FGB: variants seen among roughly 807,000 people sequenced by gnomAD.
FGB encodes fibrinogen beta chain.
FGB carries 25 observed loss-of-function variants against 57.9 expected under a neutral mutation model. That is an observed-to-expected ratio of 0.43 (90% CI 0.31 to 0.60). The LOEUF (loss-of-function observed/expected upper bound fraction) is 0.60, where lower values mean the gene tolerates loss of function less well. Ranked by LOEUF, FGB falls within the 20% of genes least tolerant of loss-of-function variation. The pLI, the probability that FGB is intolerant of heterozygous loss-of-function variation, is 0.08. For missense variants in FGB, 536 were observed against 598.4 expected, an observed-to-expected ratio of 0.90 and a Z score of 1.09; for synonymous variants, 203 against 199.2, an observed-to-expected ratio of 1.02 and a Z score of -0.16.
intron 2 of FGB, 132 bp from the exon 3 acceptor site, chr4:154,566,357 G>T: frequency 1.2e-6 from 1 of 812,414 alleles, no homozygotes; most frequent in South Asian, 1.5e-5. Flanking sequence ...TCGAATTTCT[G>T]GTCTTACAGA....
At position 154,565,302 on chromosome 4, in the gene FGB, A is replaced by G. The variant is rs571241078; in HGVS notation, c.115-506A>G. 1,099 of 348,894 alleles carry G rather than the reference A, an allele frequency of 3.1e-3. 25 individuals are homozygous for G. The highest frequency in any genetic ancestry group is 6.5e-3 in the South Asian group (273 of 41,822). The allele number at this position is 348,894 out of a possible 1,614,324, so 21.6% of individuals were successfully genotyped here. A position where few individuals can be genotyped will look rare whatever the true frequency, so the allele number is the denominator to read the frequency against. ...CCAGAGTACATTATGAGGGTCAAAG[A>G]TTGTCTTATTACAAATAAATTCCAA... On this transcript the variant is annotated intron_variant, in intron 1 of 7. Coordinates refer to ENST00000302068, the MANE Select transcript of FGB (RefSeq NM_005141.5).
chr4:154,570,349 G>T lies in FGB; in HGVS notation c.1245-70G>T, dbSNP rs1379881639. The T allele has an allele frequency of 2.6e-6, 3 of 1,151,446 alleles. No individual in the cohort carries two copies. The Admixed American group carries it at 5.4e-5, about 21-fold the overall frequency. 71.3% of individuals were successfully genotyped at this position (1,151,446 alleles called of 1,614,324 possible). A position where few individuals can be genotyped will look rare whatever the true frequency, so the allele number is the denominator to read the frequency against. On this transcript the variant is annotated intron_variant, in intron 7 of 7. Transcript: ENST00000302068. ...CACACGAGTGTAGCAGTCTTTTATG[G>T]GTAATCTGCAAAACGTAACTTGACC... is the stretch of plus-strand genomic sequence containing the variant.
rs767207616 is a variant in FGB, at chr4:154,569,251, A to T, written c.902A>T (p.Gln301Leu). 1 of 1,614,152 alleles carries T rather than the reference A, an allele frequency of 6.2e-7. No homozygotes were observed. Among genetic ancestry groups the T allele is most frequent in the Non-Finnish European group, 8.5e-7 (1 of 1,179,986 alleles). Residue 301 changes from glutamine to leucine, a missense_variant, in exon 6 of 8, where the codon CAG (glutamine) becomes CTG (leucine). Gln to Leu is a moderately radical substitution (Grantham distance 113). Around this residue, in one of 3 missense-constraint regions of FGB, gnomAD observed 354 missense variants for 383.4 expected, o/e 0.92. Coordinates refer to ENST00000302068, the MANE Select transcript of FGB (RefSeq NM_005141.5). The stretch of plus-strand genomic sequence containing the variant: ...GGCAGGAAATGGGATCCATATAAAC[A>T]GGGATTTGGAAATGTTGCAACCAAC... ...DFGRKWDPYK[Q>L]GFGNVATNTD...
chr4:154,567,925 A>G, intron 4 of FGB, 105 bp downstream of exon 4: 2 of 881,634 alleles, frequency 2.3e-6, no homozygotes, highest in Non-Finnish European at 3.8e-6. Flanking sequence ...TTTTCCCAAC[A>G]GATCATAATG....
chr4:154,568,241 A>G (rs994450210), intron 4 of FGB, 140 bp from the exon 5 acceptor site: 1 of 676,444 alleles, frequency 1.5e-6, no homozygotes, highest in Non-Finnish European at 2.7e-6. Context: ...TGAAAATCTA[A>G]TATTTGTTAT....
rs1343485034 is a variant in FGB, at chr4:154,569,264, T to C, written c.915T>C (p.Asn305=). 1 of 1,614,148 alleles carries C rather than the reference T, an allele frequency of 6.2e-7. No individual in the cohort carries two copies. Among genetic ancestry groups the C allele is most frequent in the Non-Finnish European group, 8.5e-7 (1 of 1,180,022 alleles). ...KWDPYKQGFG[N]VATNTDGKNY... is the part of the protein sequence containing the mutation. ...ATCCATATAAACAGGGATTTGGAAA[T>C]GTTGCAACCAACACAGATGGGAAGA... The change falls in exon 6 of 8, where the codon AAT becomes AAC. Residue 305 remains asparagine, a synonymous_variant. Transcript: ENST00000302068.
rs199592944 is a variant in FGB at position 154,569,240 on chromosome 4, T to A, written c.891T>A (p.Asp297Glu). ...GTGTTGACTTTGGCAGGAAATGGGATCCATATAAACAGGGATTTGGAAATG... is the reference window on the plus strand; with the variant it reads ...GTGTTGACTTTGGCAGGAAATGGGAACCATATAAACAGGGATTTGGAAATG... ...DGSVDFGRKW[D>E]PYKQGFGNVA... Residue 297 changes from aspartate to glutamate, a missense_variant, in exon 6 of 8, where the codon GAT becomes GAA. By Grantham distance (45) the Asp-to-Glu change is conservative (BLOSUM62 2). Around this residue, in one of 3 missense-constraint regions of FGB, gnomAD observed 354 missense variants for 383.4 expected, o/e 0.92. Coordinates refer to ENST00000302068, the MANE Select transcript of FGB (RefSeq NM_005141.5). 6.2e-7 allele frequency: 1 copy of A among 1,613,976 alleles called. No homozygotes were observed. The highest frequency in any genetic ancestry group is 1.3e-5 in the African/African-American group (1 of 74,914).
rs2059503 is a variant in FGB at position 154,572,267 on chromosome 4, A to T, written c.*1617A>T. 0.14 allele frequency among the ~76,000 whole-genome samples: 21,686 copies of T among 152,130 alleles called. 1,902 individuals are homozygous for T. Among genetic ancestry groups the T allele is most frequent in the East Asian group, 0.22 (1,131 of 5,174 alleles). On this transcript the variant is annotated 3_prime_UTR_variant, in exon 8 of 8. Coordinates refer to ENST00000302068, the MANE Select transcript of FGB (RefSeq NM_005141.5). ...TATTGAGATATAATTGATATAATTTAAAAAATCCTGCACATGTGTCATGCT... is the reference window on the plus strand; with the variant it reads ...TATTGAGATATAATTGATATAATTTTAAAAATCCTGCACATGTGTCATGCT...
rs1291187660 is a variant in FGB at position 154,565,866 on chromosome 4, G to A, written c.173G>A (p.Ser58Asn). ...GACAAGAAGAGAGAAGAGGCTCCCA[G>A]CCTGAGGCCTGCCCCACCGCCCATC... is the stretch of plus-strand genomic sequence containing the variant. Reference protein sequence around the residue: ...PLDKKREEAPSLRPAPPPISG... With the variant: ...PLDKKREEAPNLRPAPPPISG... Residue 58 changes from serine (S) to asparagine (N), a missense_variant, in exon 2 of 8, where the codon AGC (serine) becomes AAC (asparagine). By Grantham distance (46) the Ser-to-Asn change is conservative. Around this residue, in one of 3 missense-constraint regions of FGB, gnomAD observed 354 missense variants for 383.4 expected, o/e 0.92. Coordinates refer to ENST00000302068, the MANE Select transcript of FGB (RefSeq NM_005141.5). The A allele has an allele frequency of 1.2e-6, 2 of 1,614,066 alleles. No individual in the cohort carries two copies. Among genetic ancestry groups the A allele is most frequent in the East Asian group, 4.5e-5 (2 of 44,888 alleles).
chr4:154,564,006 T>C (rs1282504846), intron 1 of FGB, among the ~76,000 whole-genome samples: 2 of 152,006 alleles, frequency 1.3e-5, no homozygotes, highest in African/African-American at 4.8e-5. Flanking sequence ...TATCAGACTC[T>C]ACATGTAAGA....
At chr4:154,564,053 T>C (rs1236159674) in intron 1 of FGB, among the ~76,000 whole-genome samples, 1 of 151,768 alleles carries the variant, frequency 6.6e-6, no homozygotes, top group African/African-American at 2.4e-5. Context: ...TAAAAACATA[T>C]GGTTAATCTG....
In FGB at chr4:154,571,468, C is replaced by CA. The variant is rs57313183; in HGVS notation, c.*834dup. Among the ~76,000 whole-genome samples the CA allele has an allele frequency of 0.18, 20,143 of 109,414 alleles. 1,650 individuals are homozygous for CA. The highest frequency in any genetic ancestry group is 0.3 in the Admixed American group (3,414 of 11,232). The allele number at this position is 109,414 out of a possible 152,430, so 71.8% of individuals were successfully genotyped here. ...TGGGCAACAGCGTGAGACTCCACCT[C>CA]AAAAAAAAAAAAAAAAGAATCTGAC... On this transcript the variant is annotated 3_prime_UTR_variant, in exon 8 of 8. Coordinates refer to ENST00000302068, the MANE Select transcript of FGB (RefSeq NM_005141.5).
intron 2 of FGB, 54 bp from the exon 3 acceptor site, chr4:154,566,435 A>G: frequency 6.5e-7 from 1 of 1,531,492 alleles, no homozygotes; most frequent in Non-Finnish European, 9.0e-7. Flanking sequence ...TATTTTAACA[A>G]ATGTCCATGA....
Position 154,570,753 on chromosome 4 carries a change from G to A in FGB, c.*103G>A. ...CATTATATTCCTCTAAAACTCTCAA[G>A]CAGACGTGAGTGTGACTTTTTGAAA... On this transcript the variant is annotated 3_prime_UTR_variant, in exon 8 of 8. Transcript: ENST00000302068. 1 of 858,466 alleles carries A rather than the reference G, an allele frequency of 1.2e-6. No individual in the cohort carries two copies. Among genetic ancestry groups the A allele is most frequent in the South Asian group, 1.4e-5 (1 of 70,272 alleles). The allele number at this position is 858,466 out of a possible 1,614,324, so 53.2% of individuals were successfully genotyped here.
In FGB at chr4:154,570,728, C is replaced by A; in HGVS notation, c.*78C>A. 1 of 1,071,240 alleles carries A rather than the reference C, an allele frequency of 9.3e-7. No individual in the cohort carries two copies. The highest frequency in any genetic ancestry group is 1.4e-6 in the Non-Finnish European group (1 of 700,056). The allele number at this position is 1,071,240 out of a possible 1,614,324, so 66.4% of individuals were successfully genotyped here. On this transcript the variant is annotated 3_prime_UTR_variant, in exon 8 of 8. Transcript: ENST00000302068. Reference sequence around the variant, plus strand: ...TATGTTATTGGAATTTTCTTTCATACATTATATTCCTCTAAAACTCTCAAG... The same window carrying A: ...TATGTTATTGGAATTTTCTTTCATAAATTATATTCCTCTAAAACTCTCAAG...
intron 7 of FGB, 58 bp from the exon 8 acceptor site, chr4:154,570,361 A>C: frequency 7.4e-7 from 1 of 1,351,418 alleles, no homozygotes; most frequent in Non-Finnish European, 1.1e-6. Context: ...TAATCTGCAA[A>C]ACGTAACTTG....
At position 154,572,091 on chromosome 4, in the gene FGB, T is replaced by C. The variant is rs975433605; in HGVS notation, c.*1441T>C. On this transcript the variant is annotated 3_prime_UTR_variant, in exon 8 of 8. Transcript: ENST00000302068. ...CTTAACATTAGCTCCTTCCTATCTA[T>C]ATCCAAATTTCTTAAATTCAAATTT... Among the ~76,000 whole-genome samples the C allele has an allele frequency of 2.0e-5, 3 of 152,174 alleles. No homozygotes were observed. Among genetic ancestry groups the C allele is most frequent in the African/African-American group, 7.2e-5 (3 of 41,434 alleles).
At position 154,570,530 on chromosome 4, in the gene FGB, C is replaced by T. The variant is rs751634292; in HGVS notation, c.1356C>T (p.Tyr452=). ...PNGRYYWGGQ[Y]TWDMAKHGTD... is the part of the protein sequence containing the mutation. The stretch of plus-strand genomic sequence containing the variant: ...GCAGATACTACTGGGGTGGACAGTA[C>T]ACCTGGGACATGGCAAAGCATGGCA... Residue 452 remains tyrosine (Y), a synonymous_variant, in exon 8 of 8, where the codon TAC becomes TAT. Transcript: ENST00000302068. 17 of 1,614,034 alleles carry T rather than the reference C, an allele frequency of 1.1e-5. No homozygotes were observed. The highest frequency in any genetic ancestry group is 6.7e-5 in the Admixed American group (4 of 59,996).
chr4:154,565,096 T>A (rs1226295717), intron 1 of FGB: 1 of 348,442 alleles, frequency 2.9e-6, no homozygotes, highest in Non-Finnish European at 5.9e-6. Context: ...TGCCAAGTAC[T>A]GTTCTGAGGG....
Sources: gnomAD v4.1 joint callset for allele counts (sites outside exome capture counted in the v4.1 genomes callset) on GRCh38, gnomAD v4.1.1 for gene constraint, gnomAD v4.1.1 regional missense constraint, MANE v1.5 for transcripts, NCBI Gene and HGNC (gene_info 2026-07-23, HGNC 2026-07-21) for gene names.